The following CLCN7 variants were observed in gnomAD, a reference collection of about 807,000 sequenced individuals.
CLCN7 encodes Cl-/H+ antiporter 7.
In CLCN7, 60 loss-of-function variants were observed where a neutral mutation model predicts 102.1. That is an observed-to-expected ratio of 0.59 (90% CI 0.48 to 0.73). The LOEUF (loss-of-function observed/expected upper bound fraction) is 0.73. Among genes scored for constraint, CLCN7 ranks in the 30% least tolerant of loss-of-function variants. The pLI is 0.00. For synonymous variants in CLCN7, 560 were observed against 490.5 expected (o/e 1.14, Z -1.87); for missense variants, 962 against 1,125.7 (o/e 0.85, Z 2.08).
chr16:1,450,735 C>T, intron 16 of CLCN7, 69 bp from the exon 17 acceptor site: 1 of 1,219,940 alleles, frequency 8.2e-7, no homozygotes, highest in Non-Finnish European at 1.1e-6. Context: ...TGCCCCGCTG[C>T]CCAGTCTCGG....
chr16:1,462,844 G>A (rs1343911811), intron 2 of CLCN7, among the ~76,000 whole-genome samples: 1 of 152,072 alleles, frequency 6.6e-6, no homozygotes, highest in Admixed American at 6.6e-5. Flanking sequence ...AATGGTGCTG[G>A]TACAACTGGA....
At position 1,456,129 on chromosome 16, in the gene CLCN7, C is replaced by T. The variant is rs41286695; in HGVS notation, c.900G>A (p.Ala300=). The change falls in exon 10 of 25, where the codon GCG becomes GCA. Residue 300 remains alanine (A), a synonymous_variant. Transcript: ENST00000382745. ...CCTCCTCACCCACGGGGGCTCCAAA[C>T]GCCGCTGACACTCCGGCCGCAGCCC... ...SAGAAAGVSA[A]FGAPVGGVLF... is the part of the protein sequence containing the mutation. 69,899 of 1,559,106 alleles carry T rather than the reference C, an allele frequency of 0.045. 1,924 individuals are homozygous for T. The highest frequency in any genetic ancestry group is 0.054 in the Non-Finnish European group (61,798 of 1,151,428).
At chr16:1,451,804 G>A in intron 15 of CLCN7, 88 bp from the exon 16 acceptor site, 1 of 1,079,902 alleles carries the variant, frequency 9.3e-7, no homozygotes, top group Non-Finnish European at 1.4e-6. Flanking sequence ...GAGAGGCCGT[G>A]TACCCTGTGC....
intron 15 of CLCN7, 166 bp from the exon 16 acceptor site, chr16:1,451,882 A>G: frequency 1.5e-6 from 1 of 647,850 alleles, no homozygotes; most frequent in Non-Finnish European, 2.8e-6. Context: ...ACAGAGGGCA[A>G]GGAGGACACA....
At chr16:1,467,370 A>G (rs2039019157) in intron 1 of CLCN7, among the ~76,000 whole-genome samples, 1 of 152,146 alleles carries the variant, frequency 6.6e-6, no homozygotes, top group Admixed American at 6.5e-5. Context: ...CTGAGCCCTC[A>G]GTCACAGGCG....
intron 16 of CLCN7, 42 bp from the exon 17 acceptor site, chr16:1,450,708 C>CAGCCTGG: frequency 8.4e-7 from 1 of 1,191,550 alleles, no homozygotes. Context: ...ACGACTCCCG[C>CAGCCTGG]CTCCGCAGGA....
chr16:1,461,764 T>A, intron 2 of CLCN7, 90 bp from the exon 3 acceptor site: 1 of 1,070,256 alleles, frequency 9.3e-7, no homozygotes, highest in Non-Finnish European at 1.4e-6. Flanking sequence ...GCCATTATCA[T>A]CCCGACACCA....
intron 1 of CLCN7, among the ~76,000 whole-genome samples, chr16:1,471,329 G>A (rs1446338572): frequency 6.6e-6 from 1 of 152,182 alleles, no homozygotes; most frequent in Non-Finnish European, 1.5e-5. Context: ...GCTAGGACCA[G>A]TTCTCATGTT....
At chr16:1,448,824 G>C in intron 19 of CLCN7, 58 bp from the exon 20 acceptor site, 1 of 1,599,326 alleles carries the variant, frequency 6.3e-7, no homozygotes, top group Non-Finnish European at 8.5e-7. Context: ...CTGGAGCCCC[G>C]AGCCTACCCC....
At chr16:1,447,300 G>GA (rs2038664031) in intron 23 of CLCN7, 92 bp downstream of exon 23, 1 of 1,324,030 alleles carries the variant, frequency 7.6e-7, no homozygotes, top group Non-Finnish European at 1.0e-6. Context: ...CTCCGCTGTG[G>GA]CCCCCCCCGG....
rs1228668990 is a variant in CLCN7 at position 1,447,846 on chromosome 16, T to C, written c.2014-132A>G. 5.1e-6 allele frequency: 5 copies of C among 986,018 alleles called. No homozygotes were observed. The East Asian group carries it at 1.3e-4, about 26-fold the overall frequency. 61.1% of individuals were successfully genotyped at this position (986,018 alleles called of 1,614,324 possible). A position where few individuals can be genotyped will look rare whatever the true frequency, so the allele number is the denominator to read the frequency against. ...TGGGCATGGGCCCCGTGTCGGTGGC[T>C]ACCTGCTCACACCAGCCTCGCCATG... On this transcript the variant is annotated intron_variant, in intron 21 of 24. Coordinates refer to ENST00000382745, the MANE Select transcript of CLCN7 (RefSeq NM_001287.6).
chr16:1,462,080 G>A (rs1295412234), intron 2 of CLCN7, among the ~76,000 whole-genome samples: 13 of 114,334 alleles, frequency 1.1e-4, no homozygotes, highest in African/African-American at 3.3e-4. Context: ...GCAAGACTCC[G>A]TCTCAAAGAA....
chr16:1,455,285 G>T, intron 11 of CLCN7, 35 bp from the exon 12 acceptor site: 1 of 1,318,110 alleles, frequency 7.6e-7, no homozygotes, highest in South Asian at 1.2e-5. Flanking sequence ...CGCCCTCAGA[G>T]CCACGCTCCC....
chr16:1,465,115 C>T (rs2038986789), intron 2 of CLCN7, 152 bp downstream of exon 2: 5 of 723,612 alleles, frequency 6.9e-6, no homozygotes, highest in South Asian at 6.2e-5. Context: ...GCTCACTTGG[C>T]GTCAGGGACC....
chr16:1,455,808 C>A lies in CLCN7; in HGVS notation c.917-13G>T, dbSNP rs779773401. ...AACAGGACCCCACCTGGAAGGCAGGCGGCCGGCTCGGGTGCCAGCTGGACA... is the reference window on the plus strand; with the variant it reads ...AACAGGACCCCACCTGGAAGGCAGGAGGCCGGCTCGGGTGCCAGCTGGACA... On this transcript the variant is annotated splice_polypyrimidine_tract_variant and intron_variant, in intron 10 of 24. Coordinates refer to ENST00000382745, the MANE Select transcript of CLCN7 (RefSeq NM_001287.6). The A allele has an allele frequency of 5.0e-6, 8 of 1,612,694 alleles. No homozygotes were observed. The highest frequency in any genetic ancestry group is 1.7e-5 in the Admixed American group (1 of 60,018).
intron 1 of CLCN7, among the ~76,000 whole-genome samples, chr16:1,473,742 T>C (rs1207914978): frequency 6.6e-6 from 1 of 151,880 alleles, no homozygotes; most frequent in Non-Finnish European, 1.5e-5. Flanking sequence ...AAAGAATAAC[T>C]GCAAAGCAGA....
Position 1,446,439 on chromosome 16 carries a change from C to A in CLCN7, c.*192G>T, listed in dbSNP as rs1448335800. ...CGCAAGGAGGCGCCAAGGGGGGAGA[C>A]CACTGCCCACAACAGGGTCAGTCCC... On this transcript the variant is annotated 3_prime_UTR_variant, in exon 25 of 25. Coordinates refer to ENST00000382745, the MANE Select transcript of CLCN7 (RefSeq NM_001287.6). 1.4e-6 allele frequency: 1 copy of A among 705,478 alleles called. No homozygotes were observed. Among genetic ancestry groups the A allele is most frequent in the East Asian group, 2.7e-5 (1 of 37,304 alleles). 43.7% of individuals were successfully genotyped at this position (705,478 alleles called of 1,614,324 possible). A position where few individuals can be genotyped will look rare whatever the true frequency, so the allele number is the denominator to read the frequency against.
intron 1 of CLCN7, among the ~76,000 whole-genome samples, chr16:1,473,773 G>A (rs748435589): frequency 6.6e-5 from 10 of 151,948 alleles, no homozygotes; most frequent in African/African-American, 2.2e-4. Flanking sequence ...TCAACAAAAC[G>A]GTCCATTAAC....
rs183811139 is a variant in CLCN7, at chr16:1,457,605, C to T, written c.738+89G>A. On this transcript the variant is annotated intron_variant, in intron 8 of 24. Coordinates refer to ENST00000382745, the MANE Select transcript of CLCN7 (RefSeq NM_001287.6). This position sits in a 1 kb window ranked among gnomAD's most constrained non-coding sequence, Gnocchi z 5.4. ...GGCCCTTCCTGGAGACCAGAAGGAC[C>T]GGTGCTCAGAGACACACATGGGCGT... 2.6e-3 allele frequency: 3,502 copies of T among 1,322,014 alleles called. 59 individuals carry two copies. The highest frequency in any genetic ancestry group is 0.013 in the East Asian group (556 of 42,168). 81.9% of individuals were successfully genotyped at this position (1,322,014 alleles called of 1,614,324 possible).
Sources: allele counts gnomAD v4.1 joint callset (sites outside exome capture counted in the v4.1 genomes callset), GRCh38; gene constraint gnomAD v4.1.1; non-coding constraint Gnocchi (gnomAD v3.1); transcripts MANE v1.5; gene names NCBI Gene and HGNC (gene_info 2026-07-23, HGNC 2026-07-21).